Variants in CWC22 observed in about 807,000 individuals in gnomAD.
The protein encoded by CWC22 is pre-mRNA-splicing factor CWC22 homolog.
Under a neutral mutation model 117.2 loss-of-function variants are expected in CWC22, and 53 were observed. That is an observed-to-expected ratio of 0.45 (90% confidence interval 0.36 to 0.57). The LOEUF is 0.57. Among genes scored for constraint, CWC22 ranks in the 20% least tolerant of loss-of-function variants. The probability of loss-of-function intolerance (pLI) is 0.00; values close to 1 mark genes in which losing one functional copy is unlikely to be tolerated. For missense variants in CWC22, 980 were observed against 1,068.8 expected (o/e 0.92, Z 1.16); for synonymous variants, 360 against 355.6 (o/e 1.01, Z -0.14).
chr2:179,983,345 T>C (rs532029342), intron 4 of CWC22, among the ~76,000 whole-genome samples: 1 of 152,292 alleles, frequency 6.6e-6, no homozygotes, highest in South Asian at 2.1e-4. Context: ...CTCCCACTTA[T>C]AAATGAGAAC....
At chr2:179,953,570 T>C (rs1443947817) in intron 16 of CWC22, among the ~76,000 whole-genome samples, 4 of 152,130 alleles carry the variant, frequency 2.6e-5, no homozygotes, top group Admixed American at 6.6e-5. Flanking sequence ...CCTCTCTCAA[T>C]GACTCAGTAT....
chr2:179,950,488 C>G (rs1319202959), intron 19 of CWC22, 24 bp downstream of exon 19: 1 of 1,464,550 alleles, frequency 6.8e-7, no homozygotes, highest in East Asian at 2.3e-5. Context: ...AAGAGCAAGC[C>G]AAATTACACA....
intron 5 of CWC22, among the ~76,000 whole-genome samples, chr2:179,981,041 G>A (rs1448255695): frequency 6.6e-6 from 1 of 152,126 alleles, no homozygotes; most frequent in East Asian, 1.9e-4. Context: ...TATAAATTTT[G>A]TCTGTCTGCC....
chr2:179,960,957 C>T lies in CWC22; in HGVS notation c.1398-1875G>A, dbSNP rs187156579. Among the ~76,000 whole-genome samples the T allele has an allele frequency of 5.5e-3, 836 of 151,898 alleles. 7 individuals are homozygous for T. Among genetic ancestry groups the T allele is most frequent in the African/African-American group, 0.019 (784 of 41,486 alleles). ...TCTATCTACTTTTACTAGACATTGCCGATTTCTTATATTTTTCTATACTGC... is the reference window on the plus strand; with the variant it reads ...TCTATCTACTTTTACTAGACATTGCTGATTTCTTATATTTTTCTATACTGC... On this transcript the variant is annotated intron_variant, in intron 13 of 19. Coordinates refer to ENST00000410053, the MANE Select transcript of CWC22 (RefSeq NM_020943.3).
At chr2:179,992,043 C>T (rs1687581833) in intron 2 of CWC22, among the ~76,000 whole-genome samples, 1 of 152,196 alleles carries the variant, frequency 6.6e-6, no homozygotes, top group Non-Finnish European at 1.5e-5. Flanking sequence ...GCACCTACTA[C>T]AGGGCCTGCT....
At chr2:179,962,748 C>T (rs1686786277) in intron 13 of CWC22, among the ~76,000 whole-genome samples, 1 of 151,800 alleles carries the variant, frequency 6.6e-6, no homozygotes, top group Non-Finnish European at 1.5e-5. Flanking sequence ...ACAAAAAGCC[C>T]TTGATTCACA....
chr2:179,985,522 TA>T (rs1687396772), intron 4 of CWC22, among the ~76,000 whole-genome samples: 1 of 152,010 alleles, frequency 6.6e-6, no homozygotes. Flanking sequence ...AGAGGCCCTT[TA>T]GTGAAGTTTT....
chr2:179,972,964 G>A (rs1055973289), intron 8 of CWC22, among the ~76,000 whole-genome samples: 1 of 151,696 alleles, frequency 6.6e-6, no homozygotes, highest in Non-Finnish European at 1.5e-5. Context: ...AGCCAAGATT[G>A]TGCCACTGCA....
chr2:179,970,725 C>G lies in CWC22; in HGVS notation c.1072G>C (p.Asp358His). ...AATTGATCATCTTCTTCCACCAAAT[C>G]AAGACCTTCTAGGATAATGGGGTGG... is the stretch of plus-strand genomic sequence containing the variant. ...KDHPIILEGLDLVEEDDQFTH... is the reference protein window; with the variant it reads ...KDHPIILEGLHLVEEDDQFTH... The change falls in exon 10 of 20, where the codon GAT (aspartate) becomes CAT (histidine). Residue 358 changes from aspartate (D) to histidine (H), a missense_variant. By Grantham distance (81) the Asp-to-His change is moderately conservative. Coordinates refer to ENST00000410053, the MANE Select transcript of CWC22 (RefSeq NM_020943.3). The G allele has an allele frequency of 6.2e-7, 1 of 1,613,696 alleles. No homozygotes were observed. The highest frequency in any genetic ancestry group is 8.5e-7 in the Non-Finnish European group (1 of 1,179,732).
intron 1 of CWC22, among the ~76,000 whole-genome samples, chr2:179,999,235 G>T (rs912476216): frequency 1.3e-5 from 2 of 152,012 alleles, no homozygotes; most frequent in Non-Finnish European, 2.9e-5. Context: ...TACACTAATC[G>T]GAAATTCCTG....
intron 11 of CWC22, among the ~76,000 whole-genome samples, chr2:179,967,039 T>C (rs1686908500): frequency 6.6e-6 from 1 of 152,248 alleles, no homozygotes; most frequent in African/African-American, 2.4e-5. Context: ...ATCTGAAGTA[T>C]CTAGTTTATT....
chr2:180,005,765 T>C (rs1687955389), intron 1 of CWC22, among the ~76,000 whole-genome samples: 2 of 152,310 alleles, frequency 1.3e-5, no homozygotes, highest in East Asian at 1.9e-4. Context: ...TTTTTCTTTA[T>C]ACTCAAAAAA....
intron 6 of CWC22, among the ~76,000 whole-genome samples, chr2:179,976,018 T>C (rs545479092): frequency 1.3e-5 from 2 of 152,298 alleles, no homozygotes; most frequent in East Asian, 1.9e-4. Flanking sequence ...TACAAAGTTA[T>C]AGTAATCAAA....
chr2:179,947,304 C>A (rs1686335760), intron 19 of CWC22, among the ~76,000 whole-genome samples: 1 of 152,148 alleles, frequency 6.6e-6, no homozygotes, highest in Admixed American at 6.5e-5. Context: ...GCTGCAGCTA[C>A]CCAAGCAGAA....
chr2:179,945,141 T>C lies in CWC22; in HGVS notation c.2715A>G (p.Ala905=), dbSNP rs762999399. ...TCATTTTGTAGAATTATTTTTGTTT[T>C]GCTGGAGACTTTTCTCTTCGCCGGT... is the stretch of plus-strand genomic sequence containing the variant. ...NQDRRREKSP[A]KQK Residue 905 remains alanine (A), a synonymous_variant, in exon 20 of 20, where the codon GCA becomes GCG. Transcript: ENST00000410053. The C allele has an allele frequency of 1.3e-6, 2 of 1,589,578 alleles. No individual in the cohort carries two copies. Among genetic ancestry groups the C allele is most frequent in the Admixed American group, 1.9e-5 (1 of 53,918 alleles).
chr2:179,946,027 C>T (rs1029501229), intron 19 of CWC22, among the ~76,000 whole-genome samples: 4 of 152,130 alleles, frequency 2.6e-5, no homozygotes, highest in South Asian at 2.1e-4. Context: ...AGATTACAGG[C>T]GTCTGCCACC....
At chr2:179,967,956 A>C (rs1686933701) in intron 11 of CWC22, among the ~76,000 whole-genome samples, 1 of 152,200 alleles carries the variant, frequency 6.6e-6, no homozygotes, top group Non-Finnish European at 1.5e-5. Flanking sequence ...GATGATGAAA[A>C]CATTAGGGTT....
Position 179,945,230 on chromosome 2 carries a change from C to T in CWC22, c.2626G>A (p.Glu876Lys), listed in dbSNP as rs201874677. ...CTGCTAGATTTTTCCCATCGTCTCTCGGCACCATTTTGATATCTATCTTCA... is the reference window on the plus strand; with the variant it reads ...CTGCTAGATTTTTCCCATCGTCTCTTGGCACCATTTTGATATCTATCTTCA... The part of the protein sequence containing the change: ...SDEDRYQNGA[E>K]RRWEKSSRYS... The change falls in exon 20 of 20, where the codon GAG (glutamate) becomes AAG (lysine). Residue 876 changes from glutamate to lysine, a missense_variant. This residue lies in a region of CWC22 where 306 missense variants were observed against 296.8 expected (regional missense o/e 1.03). Transcript: ENST00000410053. The T allele has an allele frequency of 2.0e-5, 32 of 1,613,754 alleles. No homozygotes were observed. The highest frequency in any genetic ancestry group is 1.7e-4 in the African/African-American group (13 of 75,040).
intron 1 of CWC22, among the ~76,000 whole-genome samples, chr2:179,996,950 C>T (rs1687719483): frequency 6.6e-6 from 1 of 151,964 alleles, no homozygotes; most frequent in Non-Finnish European, 1.5e-5. Flanking sequence ...GAGAATTTAT[C>T]ACCAGCAGAC....
Sources: gnomAD v4.1 joint callset for allele counts (sites outside exome capture counted in the v4.1 genomes callset) on GRCh38, gnomAD v4.1.1 for gene constraint, gnomAD v4.1.1 regional missense constraint, MANE v1.5 for transcripts, NCBI Gene and HGNC (gene_info 2026-07-23, HGNC 2026-07-21) for gene names.